ATXN8OS: variants seen among roughly 807,000 people sequenced by gnomAD.
The protein encoded by ATXN8OS is ATXN8 opposite strand (non-protein coding).
intron 3 of ATXN8OS, among the ~76,000 whole-genome samples, chr13:70,140,501 C>T (rs993394639): frequency 2.2e-5 from 3 of 137,248 alleles, no homozygotes; most frequent in Non-Finnish European, 4.6e-5. Flanking sequence ...TTCACTTCCC[C>T]TAGAATTTGC....
chr13:70,109,686 ATTTTTTGTTTG>A (rs1486761152), intron 1 of ATXN8OS, among the ~76,000 whole-genome samples: 13 of 152,126 alleles, frequency 8.5e-5, no homozygotes, highest in South Asian at 8.3e-4. Context: ...GTATTCAGTG[ATTTTTTGTTTG>A]TTTTTTGTTT....
chr13:70,112,764 T>C (rs1888214732), intron 1 of ATXN8OS, among the ~76,000 whole-genome samples: 1 of 152,008 alleles, frequency 6.6e-6, no homozygotes, highest in Admixed American at 6.6e-5. Flanking sequence ...AAATAGTGAA[T>C]TTCTATTAAT....
intron 3 of ATXN8OS, among the ~76,000 whole-genome samples, chr13:70,142,866 G>A (rs1566609261): frequency 6.6e-6 from 1 of 152,184 alleles, no homozygotes; most frequent in African/African-American, 2.4e-5. Context: ...CTGAGGTCGG[G>A]ATTTTGAGAC....
At chr13:70,117,541 T>G (rs1465479093) in intron 2 of ATXN8OS, among the ~76,000 whole-genome samples, 2 of 152,196 alleles carry the variant, frequency 1.3e-5, no homozygotes, top group Non-Finnish European at 2.9e-5. Flanking sequence ...TTATAACATT[T>G]GAAAAACAGT....
intron 2 of ATXN8OS, among the ~76,000 whole-genome samples, chr13:70,116,681 T>G (rs1330488635): frequency 6.6e-6 from 1 of 152,164 alleles, no homozygotes; most frequent in Non-Finnish European, 1.5e-5. Flanking sequence ...TGATAGCATC[T>G]GACTTCCATT....
At chr13:70,120,392 G>A (rs1323179672) in intron 2 of ATXN8OS, among the ~76,000 whole-genome samples, 1 of 152,228 alleles carries the variant, frequency 6.6e-6, no homozygotes, top group Non-Finnish European at 1.5e-5. Flanking sequence ...CATTTGGTTA[G>A]AACAAGACCA....
intron 4 of ATXN8OS, among the ~76,000 whole-genome samples, chr13:70,148,219 G>A (rs1370121519): frequency 2.0e-5 from 3 of 152,108 alleles, no homozygotes; most frequent in East Asian, 3.9e-4. Context: ...CAAAGGGAAG[G>A]GGATTCTCTA....
chr13:70,153,857 T>G (rs773699275), intron 4 of ATXN8OS, among the ~76,000 whole-genome samples: 4 of 152,024 alleles, frequency 2.6e-5, no homozygotes, highest in Non-Finnish European at 5.9e-5. Context: ...TTTTTTTTCT[T>G]TCTATTTTTT....
At chr13:70,163,958 C>A (rs1054675910) in intron 4 of ATXN8OS, among the ~76,000 whole-genome samples, 2 of 150,148 alleles carry the variant, frequency 1.3e-5, no homozygotes, top group Non-Finnish European at 1.5e-5. Context: ...TGGTATTTTA[C>A]GTACGTCACT....
intron 4 of ATXN8OS, among the ~76,000 whole-genome samples, chr13:70,160,962 C>T (rs114276004): frequency 8.6e-5 from 13 of 150,860 alleles, no homozygotes; most frequent in African/African-American, 3.2e-4. Context: ...CAATTTAAAG[C>T]AGTTTAGATG....
intron 3 of ATXN8OS, among the ~76,000 whole-genome samples, chr13:70,133,856 G>A (rs1205837592): frequency 6.6e-6 from 1 of 152,096 alleles, no homozygotes; most frequent in Non-Finnish European, 1.5e-5. Flanking sequence ...ACAGATTTAT[G>A]TTGTTTTAAG....
At chr13:70,131,018 G>A (rs1888525590) in intron 3 of ATXN8OS, 1 of 398,416 alleles carries the variant, frequency 2.5e-6, no homozygotes, top group Non-Finnish European at 4.4e-6. Flanking sequence ...ATATCTTAAA[G>A]AGAGTTAGGA....
intron 3 of ATXN8OS, among the ~76,000 whole-genome samples, chr13:70,133,551 G>A (rs189099464): frequency 6.6e-6 from 1 of 152,274 alleles, no homozygotes; most frequent in African/African-American, 2.4e-5. Context: ...TTGGAAATTA[G>A]GTCTTTGCAG....
intron 3 of ATXN8OS, among the ~76,000 whole-genome samples, chr13:70,133,396 A>T (rs754751961): frequency 1.3e-5 from 2 of 152,210 alleles, no homozygotes; most frequent in East Asian, 3.8e-4. Flanking sequence ...ACAGTGAAAC[A>T]GTGAAAAAAA....
chr13:70,150,880 A>C (rs1593773601), intron 4 of ATXN8OS, among the ~76,000 whole-genome samples: 1 of 152,282 alleles, frequency 6.6e-6, no homozygotes, highest in Non-Finnish European at 1.5e-5. Context: ...TTTCACATTA[A>C]AAGAAAGAAA....
At chr13:70,160,338 T>A (rs912538010) in intron 4 of ATXN8OS, among the ~76,000 whole-genome samples, 1 of 151,608 alleles carries the variant, frequency 6.6e-6, no homozygotes, top group Non-Finnish European at 1.5e-5. Context: ...ATGTGTAGAA[T>A]CTAATATACG....
intron 4 of ATXN8OS, among the ~76,000 whole-genome samples, chr13:70,152,435 ATATGTGTATG>A (rs749425337): frequency 9.2e-5 from 14 of 151,962 alleles, no homozygotes; most frequent in Non-Finnish European, 1.9e-4. Flanking sequence ...ATATGTACAT[ATATGTGTATG>A]TATGTGTATA....
At chr13:70,159,324 G>A (rs998834692) in intron 4 of ATXN8OS, among the ~76,000 whole-genome samples, 2 of 151,762 alleles carry the variant, frequency 1.3e-5, no homozygotes, top group Non-Finnish European at 2.9e-5. Flanking sequence ...ATTATTGCTA[G>A]TGAGCAATAA....
intron 4 of ATXN8OS, among the ~76,000 whole-genome samples, chr13:70,167,733 T>TG (rs1889094523): frequency 1.3e-5 from 1 of 76,436 alleles, no homozygotes; most frequent in Non-Finnish European, 3.4e-5. Flanking sequence ...CTTTTTTTTT[T>TG]TTTTTTTTTT....
Sources: allele counts gnomAD v4.1 joint callset (sites outside exome capture counted in the v4.1 genomes callset), GRCh38; gene constraint gnomAD v4.1.1; transcripts MANE v1.5; gene names NCBI Gene and HGNC (gene_info 2026-07-23, HGNC 2026-07-21).